UBASH3B: variants seen among roughly 807,000 people sequenced by gnomAD.
UBASH3B encodes the protein ubiquitin associated and SH3 domain containing B.
Under a neutral mutation model 83.4 loss-of-function variants are expected in UBASH3B, and 37 were observed. The ratio of observed to expected loss-of-function variants is 0.44; its 90% CI spans 0.34 to 0.58. The LOEUF is 0.58. Ranked by LOEUF, UBASH3B falls within the 20% of genes least tolerant of loss-of-function variation. The pLI is 0.01. For synonymous variants in UBASH3B, 304 were observed against 318.3 expected, an observed-to-expected ratio of 0.96 and a Z score of 0.48; for missense variants, 657 against 827.2, an observed-to-expected ratio of 0.79 and a Z score of 2.52.
intron 1 of UBASH3B, among the ~76,000 whole-genome samples, chr11:122,674,216 G>A (rs1281341436): frequency 6.6e-6 from 1 of 152,178 alleles, no homozygotes; most frequent in Non-Finnish European, 1.5e-5. Flanking sequence ...AATCATGAAA[G>A]AGCTAGTGAA....
chr11:122,717,367 G>A (rs767292396), intron 1 of UBASH3B, among the ~76,000 whole-genome samples: 31 of 152,182 alleles, frequency 2.0e-4, no homozygotes, highest in Admixed American at 1.0e-3. Context: ...AGTCCGAGGA[G>A]ATAATCACAT....
chr11:122,770,661 A>G (rs1454210969), intron 1 of UBASH3B, among the ~76,000 whole-genome samples: 5 of 152,162 alleles, frequency 3.3e-5, no homozygotes, highest in Admixed American at 2.0e-4. Context: ...TGGTCCCACT[A>G]TTCGCCTGGA....
chr11:122,806,195 C>T lies in UBASH3B; in HGVS notation c.1596-215C>T, dbSNP rs1417227851. Among the ~76,000 whole-genome samples the T allele has an allele frequency of 2.6e-5, 4 of 152,286 alleles. No homozygotes were observed. The highest frequency in any genetic ancestry group is 3.9e-4 in the East Asian group (2 of 5,186). ...CTCATTTTTCACCTGGTCACTGTAA[C>T]GCCATACACATAGCTGTTATTTCTG... On this transcript the variant is annotated intron_variant, in intron 11 of 13. Coordinates refer to ENST00000284273, the MANE Select transcript of UBASH3B (RefSeq NM_032873.5). This position sits in a 1 kb window ranked among gnomAD's most constrained non-coding sequence, Gnocchi z 4.0.
At chr11:122,725,162 G>A (rs900165009) in intron 1 of UBASH3B, among the ~76,000 whole-genome samples, 2 of 151,098 alleles carry the variant, frequency 1.3e-5, no homozygotes, top group Non-Finnish European at 2.9e-5. Flanking sequence ...TAGAGACAGG[G>A]TTTCACCATG....
Position 122,716,715 on chromosome 11 carries a change from A to T in UBASH3B, c.162-59504A>T, listed in dbSNP as rs548564588. 8.5e-5 allele frequency among the ~76,000 whole-genome samples: 13 copies of T among 152,322 alleles called. No individual in the cohort carries two copies. The East Asian group carries it at 1.2e-3, about 14-fold the overall frequency. ...GTCCTTTCTCCACCTGAAGGCAGGT[A>T]ATGCAACCACAATGTCACCCAGTTC... is the stretch of plus-strand genomic sequence containing the variant. On this transcript the variant is annotated intron_variant, in intron 1 of 13. Transcript: ENST00000284273.
chr11:122,678,764 C>T (rs1228015969), intron 1 of UBASH3B, among the ~76,000 whole-genome samples: 1 of 152,180 alleles, frequency 6.6e-6, no homozygotes, highest in Non-Finnish European at 1.5e-5. Flanking sequence ...ATTCCTCCAT[C>T]AGTCAGGAGA....
chr11:122,704,229 A>G (rs1344168), intron 1 of UBASH3B, among the ~76,000 whole-genome samples: 129,273 of 152,192 alleles, frequency 0.85, 55,153 homozygotes, highest in East Asian at 0.95. Flanking sequence ...CATATGGAGC[A>G]TCTGAATCAC....
chr11:122,673,882 T>C (rs555852846), intron 1 of UBASH3B, among the ~76,000 whole-genome samples: 2 of 152,332 alleles, frequency 1.3e-5, no homozygotes, highest in South Asian at 4.1e-4. Context: ...CTTTCTCAGC[T>C]TACTGCTGGA....
intron 1 of UBASH3B, among the ~76,000 whole-genome samples, chr11:122,772,289 T>C (rs1334077606): frequency 6.6e-6 from 1 of 152,148 alleles, no homozygotes; most frequent in African/African-American, 2.4e-5. Flanking sequence ...AGAAGCTGCT[T>C]TTGTATCTGA....
intron 13 of UBASH3B, among the ~76,000 whole-genome samples, chr11:122,808,773 A>G (rs10892909): frequency 0.2 from 30,800 of 152,118 alleles, 3,341 homozygotes; most frequent in Admixed American, 0.34. Context: ...CCTGGTTCAA[A>G]CTCAATTGCA....
intron 1 of UBASH3B, among the ~76,000 whole-genome samples, chr11:122,697,272 T>G (rs995839020): frequency 6.6e-6 from 1 of 152,198 alleles, no homozygotes; most frequent in African/African-American, 2.4e-5. Flanking sequence ...TTTACATATG[T>G]GATTATTCCC....
chr11:122,702,483 T>A (rs1864053441), intron 1 of UBASH3B, among the ~76,000 whole-genome samples: 1 of 151,752 alleles, frequency 6.6e-6, no homozygotes, highest in Admixed American at 6.6e-5. Context: ...TTTGGAGTTT[T>A]GGGGAACAGA....
At chr11:122,730,847 G>A (rs1429397516) in intron 1 of UBASH3B, among the ~76,000 whole-genome samples, 7 of 152,076 alleles carry the variant, frequency 4.6e-5, no homozygotes, top group African/African-American at 1.7e-4. Flanking sequence ...CGCCCGCCTC[G>A]GCCTCCCAAA....
Position 122,656,226 on chromosome 11 carries a change from C to T in UBASH3B, c.161+16C>T. ...GAGCCCGCGCGTAAGTGGCCGGGCT[C>T]GCAGCCCTCGGCGACCCCTCCCGCG... is the stretch of plus-strand genomic sequence containing the variant. On this transcript the variant is annotated intron_variant, in intron 1 of 13. Transcript: ENST00000284273. 2 of 1,425,888 alleles carry T rather than the reference C, an allele frequency of 1.4e-6. No homozygotes were observed. The highest frequency in any genetic ancestry group is 1.8e-6 in the Non-Finnish European group (2 of 1,081,722). The allele number at this position is 1,425,888 out of a possible 1,614,324, so 88.3% of individuals were successfully genotyped here. A position where few individuals can be genotyped will look rare whatever the true frequency, so the allele number is the denominator to read the frequency against.
intron 1 of UBASH3B, among the ~76,000 whole-genome samples, chr11:122,668,668 G>A (rs1050153238): frequency 6.6e-5 from 10 of 152,198 alleles, no homozygotes; most frequent in Non-Finnish European, 1.5e-4. Context: ...CACTTTCTGA[G>A]GATGTGGTTT....
chr11:122,779,965 C>T (rs1460081157), intron 4 of UBASH3B, among the ~76,000 whole-genome samples: 1 of 152,204 alleles, frequency 6.6e-6, no homozygotes, highest in East Asian at 1.9e-4. Flanking sequence ...AAATGACTTC[C>T]ATACTGAACT....
At chr11:122,768,714 C>A (rs1860594866) in intron 1 of UBASH3B, among the ~76,000 whole-genome samples, 2 of 152,062 alleles carry the variant, frequency 1.3e-5, no homozygotes, top group Non-Finnish European at 2.9e-5. Flanking sequence ...CCATGTTGAC[C>A]AGGCTGGTCT....
intron 5 of UBASH3B, among the ~76,000 whole-genome samples, chr11:122,787,504 C>T (rs1032756857): frequency 6.6e-6 from 1 of 152,234 alleles, no homozygotes; most frequent in African/African-American, 2.4e-5. Context: ...AAAAGAATCA[C>T]ACCTTTACTG....
At chr11:122,776,983 A>G (rs765397479) in intron 2 of UBASH3B, 41 bp from the exon 3 acceptor site, 17 of 1,525,166 alleles carry the variant, frequency 1.1e-5, no homozygotes, top group Non-Finnish European at 1.5e-5. Context: ...CCCTCCCATT[A>G]TTCTCAAGCG....
Sources: allele counts gnomAD v4.1 joint callset (sites outside exome capture counted in the v4.1 genomes callset), GRCh38; gene constraint gnomAD v4.1.1; non-coding constraint Gnocchi (gnomAD v3.1); transcripts MANE v1.5; gene names NCBI Gene and HGNC (gene_info 2026-07-23, HGNC 2026-07-21).